The following ODF2 variants were observed in gnomAD, a reference collection of about 807,000 sequenced individuals.
ODF2 encodes outer dense fiber of sperm tails 2.
A neutral mutation model predicts 110.2 loss-of-function variants in ODF2; 47 were observed. The ratio of observed to expected loss-of-function variants is 0.43; its 90% CI spans 0.34 to 0.54. ODF2 has a LOEUF of 0.54. ODF2 is among the 20% of genes least tolerant of loss of function. The probability of loss-of-function intolerance (pLI) is 0.03; values close to 1 mark genes in which losing one functional copy is unlikely to be tolerated. For missense variants in ODF2, 812 were observed against 1,054.5 expected (o/e 0.77, Z 3.19); for synonymous variants, 352 against 397.7 (o/e 0.89, Z 1.37).
At chr9:128,484,028 A>G (rs763112760) in exon 11 of ODF2, 2 of 1,612,738 alleles carry the variant, frequency 1.2e-6, no homozygotes, top group East Asian at 4.5e-5. Context: ...AGAGGCTGAG[A>G]ACAGTCGCCT....
intron 8 of ODF2, among the ~76,000 whole-genome samples, chr9:128,477,878 G>A (rs147341403): frequency 6.6e-6 from 1 of 151,610 alleles, no homozygotes; most frequent in Admixed American, 6.6e-5. Context: ...GGATTACAGG[G>A]GTGAGCCATT....
chr9:128,459,386 C>T (rs1835809679), intron 2 of ODF2, among the ~76,000 whole-genome samples, 181 bp from the exon 2 acceptor site: 1 of 152,226 alleles, frequency 6.6e-6, no homozygotes, highest in Non-Finnish European at 1.5e-5. Context: ...CTATTTCCAT[C>T]CCACTGCTGG....
chr9:128,475,763 A>G (rs1396800296), intron 8 of ODF2, among the ~76,000 whole-genome samples: 1 of 151,798 alleles, frequency 6.6e-6, no homozygotes, highest in Non-Finnish European at 1.5e-5. Context: ...CTCCTGCCTC[A>G]GCCTCCTGAG....
Position 128,498,464 on chromosome 9 carries a change from C to T in ODF2, c.2064C>T (p.Ala688=), listed in dbSNP as rs149828123. 5 of 1,613,060 alleles carry T rather than the reference C, an allele frequency of 3.1e-6. No homozygotes were observed. The East Asian group carries it at 1.1e-4, about 36-fold the overall frequency. ...ATATCGAGTTCCTACAGGTGATTGC[C>T]AAGAGGGAGGAGGCAATCCACCAGT... Residue 688 remains alanine (A), a synonymous_variant, in exon 19 of 21, where the codon GCC becomes GCT. Transcript: ENST00000604420.
chr9:128,496,655 A>G (rs1805625298), intron 18 of ODF2, among the ~76,000 whole-genome samples: 1 of 152,216 alleles, frequency 6.6e-6, no homozygotes, highest in Non-Finnish European at 1.5e-5. Flanking sequence ...TCTTGAGCAA[A>G]TCATTTAATT....
upstream of ODF2, chr9:128,455,345 A>G (rs2131364622): frequency 2.5e-6 from 2 of 799,628 alleles, no homozygotes; most frequent in East Asian, 5.6e-5. Context: ...AGGTCAGGAG[A>G]TGGAGACTAT....
At chr9:128,484,923 TGAG>T in intron 12 of ODF2, 37 bp downstream of exon 12, 3 of 1,599,762 alleles carry the variant, frequency 1.9e-6, no homozygotes, top group Non-Finnish European at 2.6e-6. Flanking sequence ...TCACCTGCCC[TGAG>T]GAGGGCTGGG....
intron 8 of ODF2, among the ~76,000 whole-genome samples, chr9:128,478,599 A>G (rs1392248375): frequency 6.6e-6 from 1 of 151,916 alleles, no homozygotes; most frequent in Non-Finnish European, 1.5e-5. Context: ...CTCCATCTCA[A>G]AAAGGAAAAA....
chr9:128,494,581 G>A lies in ODF2; in HGVS notation c.1824G>A (p.Ala608=), dbSNP rs376502871. ...CTGACATCCTGAAGATCACGGAGGC[G>A]AAGCTGGCTGAGTGCCAAGACCAAC... The change falls in exon 17 of 21, where the codon GCG becomes GCA. Residue 608 remains alanine, a synonymous_variant. Transcript: ENST00000604420. This position sits in a 1 kb window ranked among gnomAD's most constrained non-coding sequence, Gnocchi z 4.6. 10 of 1,614,058 alleles carry A rather than the reference G, an allele frequency of 6.2e-6. No homozygotes were observed. In the East Asian group the frequency reaches 8.9e-5, roughly 14 times the overall value.
chr9:128,474,082 G>A (rs767666026), intron 8 of ODF2, among the ~76,000 whole-genome samples: 3 of 152,150 alleles, frequency 2.0e-5, no homozygotes, highest in Non-Finnish European at 2.9e-5. Context: ...GACACAAATC[G>A]TGTGGTCTCA....
intron 7 of ODF2, 86 bp from the exon 8 acceptor site, chr9:128,473,524 T>C (rs745590771): frequency 1.5e-5 from 23 of 1,567,796 alleles, no homozygotes; most frequent in Non-Finnish European, 1.9e-5. Context: ...GTCTGGGCTT[T>C]CTGGCACCAG....
intron 14 of ODF2, among the ~76,000 whole-genome samples, chr9:128,489,249 C>T (rs1844045066): frequency 6.6e-6 from 1 of 152,132 alleles, no homozygotes; most frequent in Non-Finnish European, 1.5e-5. Flanking sequence ...GCAATAACAT[C>T]TAGCTTTATT....
At chr9:128,483,830 G>C in intron 10 of ODF2, 108 bp from the exon 11 acceptor site, 2 of 777,038 alleles carry the variant, frequency 2.6e-6, no homozygotes, top group Non-Finnish European at 4.6e-6. Context: ...AGGTTGCAGT[G>C]AGCTGAGATT....
intron 14 of ODF2, among the ~76,000 whole-genome samples, chr9:128,488,322 G>A (rs1054277261): frequency 1.3e-5 from 2 of 152,190 alleles, no homozygotes; most frequent in Non-Finnish European, 2.9e-5. Flanking sequence ...CTACTCGGGA[G>A]GCTGAGTTGG....
chr9:128,478,778 G>A (rs533928539), intron 8 of ODF2, among the ~76,000 whole-genome samples: 1 of 152,218 alleles, frequency 6.6e-6, no homozygotes, highest in East Asian at 1.9e-4. Flanking sequence ...GCCCATCTGT[G>A]CTCAGGGCTC....
intron 17 of ODF2, among the ~76,000 whole-genome samples, chr9:128,495,147 C>T (rs774463180): frequency 1.9e-4 from 29 of 152,266 alleles, no homozygotes; most frequent in South Asian, 1.2e-3. Context: ...ACCATGCCTA[C>T]GGCCTGCAGT....
intron 13 of ODF2, among the ~76,000 whole-genome samples, chr9:128,486,942 A>G (rs948872315): frequency 1.6e-4 from 24 of 152,140 alleles, no homozygotes; most frequent in African/African-American, 5.8e-4. Context: ...CTGTCCTAAC[A>G]CCAAGACCTG....
exon 21 of ODF2, chr9:128,500,474 TTAAAATTTCCTCGACAGGCC>T (rs1459511880): frequency 1.3e-5 from 7 of 534,822 alleles, no homozygotes; most frequent in Non-Finnish European, 2.3e-5. Flanking sequence ...GTTGGAAGTG[TTAAAATTTCCTCGACAGGCC>T]TTAAATTTAC....
intron 8 of ODF2, among the ~76,000 whole-genome samples, chr9:128,476,832 T>C (rs1253712052): frequency 6.6e-6 from 1 of 151,378 alleles, no homozygotes; most frequent in Non-Finnish European, 1.5e-5. Context: ...AGAGATGAGG[T>C]TTCACTGTGT....
Sources: gnomAD v4.1 joint callset for allele counts (sites outside exome capture counted in the v4.1 genomes callset) on GRCh38, gnomAD v4.1.1 for gene constraint, Gnocchi (gnomAD v3.1) non-coding constraint, MANE v1.5 for transcripts, NCBI Gene and HGNC (gene_info 2026-07-23, HGNC 2026-07-21) for gene names.